CKAP2: variants seen among roughly 807,000 people sequenced by gnomAD.
CKAP2 encodes the protein cytoskeleton-associated protein 2.
Under a neutral mutation model 58.4 loss-of-function variants are expected in CKAP2, and 46 were observed. That is an observed-to-expected ratio of 0.79 (90% CI 0.62 to 1.01). CKAP2 has a LOEUF of 1.01. Among genes scored for constraint, CKAP2 ranks in the 50% least tolerant of loss-of-function variants. The pLI, the probability that CKAP2 is intolerant of heterozygous loss-of-function variation, is 0.00. For synonymous variants in CKAP2, 293 were observed against 280.9 expected, an observed-to-expected ratio of 1.04 and a Z score of -0.43; for missense variants, 809 against 796.4, an observed-to-expected ratio of 1.02 and a Z score of -0.19.
At chr13:52,468,220 T>C in intron 6 of CKAP2, 58 bp from the exon 7 acceptor site, 1 of 1,026,646 alleles carries the variant, frequency 9.7e-7, no homozygotes, top group South Asian at 1.4e-5. Context: ...GGATACCTAG[T>C]TAATGTCAGA....
At chr13:52,473,279 A>G (rs1217187105) in intron 7 of CKAP2, among the ~76,000 whole-genome samples, 1 of 152,146 alleles carries the variant, frequency 6.6e-6, no homozygotes, top group Non-Finnish European at 1.5e-5. Context: ...AAAGCTCATT[A>G]CAATCTAGCT....
chr13:52,472,673 ACT>A (rs1419375053), intron 7 of CKAP2, among the ~76,000 whole-genome samples: 1 of 152,020 alleles, frequency 6.6e-6, no homozygotes, highest in Admixed American at 6.5e-5. Flanking sequence ...GGCATTTATG[ACT>A]CTTAAGAAAT....
At chr13:52,462,617 A>G (rs547749349) in intron 5 of CKAP2, 50 bp downstream of exon 5, 18 of 1,398,438 alleles carry the variant, frequency 1.3e-5, no homozygotes, top group Non-Finnish European at 1.6e-5. Context: ...AATTACCTTC[A>G]TAAGCATTAT....
intron 7 of CKAP2, 47 bp downstream of exon 7, chr13:52,468,394 TTTG>T (rs768908523): frequency 5.1e-6 from 6 of 1,173,006 alleles, no homozygotes; most frequent in African/African-American, 1.6e-5. Flanking sequence ...GTAGTTTTTT[TTTG>T]TTGTTGTTTT....
intron 2 of CKAP2, 69 bp from the exon 3 acceptor site, chr13:52,460,830 T>C: frequency 7.5e-7 from 1 of 1,325,094 alleles, no homozygotes; most frequent in East Asian, 2.4e-5. Context: ...TGCCCTCTTC[T>C]TCCTCCCCAA....
At chr13:52,459,167 A>G (rs1013145681) in intron 2 of CKAP2, among the ~76,000 whole-genome samples, 16 of 152,098 alleles carry the variant, frequency 1.1e-4, no homozygotes, top group African/African-American at 3.6e-4. Flanking sequence ...GCACATTTTG[A>G]TCTTCCTTCA....
In CKAP2 at chr13:52,475,789, CTG is replaced by C. The variant is rs1382365980; in HGVS notation, c.*649_*650del. ...GTTTCGTGGCCTCTTTTGATTATAA[CTG>C]GGGTCACCAAGAAGGTTTACTTAAT... On this transcript the variant is annotated 3_prime_UTR_variant, in exon 9 of 9. Coordinates refer to ENST00000258607, the MANE Select transcript of CKAP2 (RefSeq NM_018204.5). 3 of 152,162 alleles carry C rather than the reference CTG, an allele frequency of 2.0e-5. No homozygotes were observed. Among genetic ancestry groups the C allele is most frequent in the African/African-American group, 4.8e-5 (2 of 41,438 alleles). 9.4% of individuals were successfully genotyped at this position (152,162 alleles called of 1,614,324 possible).
intron 7 of CKAP2, among the ~76,000 whole-genome samples, chr13:52,473,307 T>A (rs964024090): frequency 6.6e-5 from 10 of 152,108 alleles, no homozygotes; most frequent in Non-Finnish European, 1.5e-4. Flanking sequence ...GAATTTTTTT[T>A]ACCAAACTTC....
rs756587069 is a variant in CKAP2 at position 52,461,791 on chromosome 13, T to G, written c.965T>G (p.Ile322Arg). 2.5e-6 allele frequency: 4 copies of G among 1,614,072 alleles called. No homozygotes were observed. Among genetic ancestry groups the G allele is most frequent in the Non-Finnish European group, 2.5e-6 (3 of 1,179,914 alleles). Residue 322 changes from isoleucine to arginine, a missense_variant, in exon 4 of 9, where the codon ATA (isoleucine) becomes AGA (arginine). Physicochemically the swap from Ile to Arg is moderately conservative, Grantham distance 97 (BLOSUM62 -3). This residue lies in a region of CKAP2 where 523 missense variants were observed against 492.4 expected (regional missense o/e 1.06). Coordinates refer to ENST00000258607, the MANE Select transcript of CKAP2 (RefSeq NM_018204.5). The part of the protein sequence containing the change: ...TLSRSIASEV[I>R]ARPASLSNDK... ...TCAAGATCCATAGCATCTGAAGTTA[T>G]AGCCAGGCCTGCTTCATTGTCTAAT...
chr13:52,456,719 G>GA (rs1958488623), intron 2 of CKAP2, 112 bp downstream of exon 2: 1 of 740,786 alleles, frequency 1.3e-6, no homozygotes, highest in African/African-American at 1.8e-5. Context: ...GCCACATTTA[G>GA]AAAAACTGCT....
At chr13:52,469,299 G>C (rs1010701562) in intron 7 of CKAP2, among the ~76,000 whole-genome samples, 5 of 152,138 alleles carry the variant, frequency 3.3e-5, no homozygotes, top group African/African-American at 4.8e-5. Flanking sequence ...AAGTTGCATT[G>C]TCTCTCTAGG....
intron 1 of CKAP2, chr13:52,455,992 C>G (rs926802215): frequency 9.3e-7 from 1 of 1,079,160 alleles, no homozygotes; most frequent in South Asian, 4.2e-5. Flanking sequence ...CTGGGTCCTC[C>G]GCCTCTTAGG....
intron 1 of CKAP2, 108 bp from the exon 2 acceptor site, chr13:52,456,415 G>C (rs944711607): frequency 1.1e-6 from 1 of 912,808 alleles, no homozygotes; most frequent in African/African-American, 1.7e-5. Context: ...TGTGACCTCA[G>C]GTGGAACCAG....
intron 7 of CKAP2, 78 bp downstream of exon 7, chr13:52,468,425 ATCAGGAG>A: frequency 1.2e-6 from 1 of 854,296 alleles, no homozygotes. Flanking sequence ...TTATTTTAAG[ATCAGGAG>A]TACGTGTGCA....
Position 52,466,920 on chromosome 13 carries a change from A to AC in CKAP2, c.1477-1352dup, listed in dbSNP as rs199896030. ...AGACCAGCCTGGGCAAGAGGGTGAG[A>AC]CCCCCCATCTCTGCAAAAAATAAAA... On this transcript the variant is annotated intron_variant, in intron 6 of 8. Coordinates refer to ENST00000258607, the MANE Select transcript of CKAP2 (RefSeq NM_018204.5). Among the ~76,000 whole-genome samples, 1,222 of 151,442 alleles carry AC rather than the reference A, an allele frequency of 8.1e-3. 18 individuals are homozygous for AC. The highest frequency in any genetic ancestry group is 0.026 in the African/African-American group (1,087 of 41,232).
In CKAP2 at chr13:52,456,562, G is replaced by C; in HGVS notation, c.110G>C (p.Arg37Thr). The C allele has an allele frequency of 6.2e-7, 1 of 1,613,780 alleles. No homozygotes were observed. The highest frequency in any genetic ancestry group is 8.5e-7 in the Non-Finnish European group (1 of 1,179,852). Residue 37 changes from arginine to threonine, a missense_variant, in exon 2 of 9, where the codon AGA (arginine) becomes ACA (threonine). Physicochemically the swap from Arg to Thr is moderately conservative, Grantham distance 71. This residue lies in a region of CKAP2 where 523 missense variants were observed against 492.4 expected (regional missense o/e 1.06). Coordinates refer to ENST00000258607, the MANE Select transcript of CKAP2 (RefSeq NM_018204.5). ...RQKLKEHLLR[R>T]KTLFAYKQEN... ...AAACTCAAGGAACATCTGTTGAGAA[G>C]AAAAACGCTTTTTGCATACAAGCAG...
Position 52,461,039 on chromosome 13 carries a change from T to C in CKAP2, c.232-19T>C, listed in dbSNP as rs771681941. The C allele has an allele frequency of 3.1e-6, 5 of 1,601,722 alleles. No individual in the cohort carries two copies. The Admixed American group carries it at 7.1e-5, about 23-fold the overall frequency. On this transcript the variant is annotated intron_variant, in intron 3 of 8. Transcript: ENST00000258607. Reference sequence around the variant, plus strand: ...CCATTTTGCCTTTCCTAAACACTTTTCTTAAATAATTCTTTCAGGCTGATA... The same window carrying C: ...CCATTTTGCCTTTCCTAAACACTTTCCTTAAATAATTCTTTCAGGCTGATA...
In CKAP2 at chr13:52,461,650, C is replaced by G. The variant is rs1422222231; in HGVS notation, c.824C>G (p.Ser275Cys). ...GTGAAACAAGGCATCAGTAGAACTT[C>G]TGCCAATGTTACAATCCGGAAAGGG... ...DTVKQGISRT[S>C]ANVTIRKGPH... is the part of the protein sequence containing the mutation. The change falls in exon 4 of 9, where the codon TCT becomes TGT. Residue 275 changes from serine to cysteine, a missense_variant. Coordinates refer to ENST00000258607, the MANE Select transcript of CKAP2 (RefSeq NM_018204.5). 6.2e-7 allele frequency: 1 copy of G among 1,614,152 alleles called. No individual in the cohort carries two copies. Among genetic ancestry groups the G allele is most frequent in the Non-Finnish European group, 8.5e-7 (1 of 1,179,998 alleles).
At chr13:52,467,553 C>A (rs1341773021) in intron 6 of CKAP2, among the ~76,000 whole-genome samples, 1 of 151,856 alleles carries the variant, frequency 6.6e-6, no homozygotes, top group African/African-American at 2.4e-5. Flanking sequence ...ACTAAAAATA[C>A]AAAAAATTAG....
Sources: allele counts gnomAD v4.1 joint callset (sites outside exome capture counted in the v4.1 genomes callset), GRCh38; gene constraint gnomAD v4.1.1; regional missense constraint gnomAD v4.1.1; transcripts MANE v1.5; gene names NCBI Gene and HGNC (gene_info 2026-07-23, HGNC 2026-07-21).